The following LRBA variants were observed in gnomAD, a reference collection of about 807,000 sequenced individuals.
LRBA encodes LPS responsive beige-like anchor protein, also known as lipopolysaccharide-responsive and beige-like anchor protein.
A neutral mutation model predicts 330.0 loss-of-function variants in LRBA; 176 were observed. The ratio of observed to expected loss-of-function variants is 0.53; its 90% confidence interval spans 0.47 to 0.60. LRBA has a LOEUF of 0.60. Among genes scored for constraint, LRBA ranks in the 20% least tolerant of loss-of-function variants. The probability of loss-of-function intolerance (pLI) is 0.00; values close to 1 mark genes in which losing one functional copy is unlikely to be tolerated. For missense variants in LRBA, 3,259 were observed against 3,444.8 expected (o/e 0.95, Z 1.35); for synonymous variants, 1,230 against 1,193.0 (o/e 1.03, Z -0.64).
chr4:150,368,399 T>C (rs1316691149), intron 47 of LRBA, among the ~76,000 whole-genome samples: 1 of 152,202 alleles, frequency 6.6e-6, no homozygotes, highest in Admixed American at 6.5e-5. Flanking sequence ...ATACCCACCA[T>C]ATGGCATCAC....
chr4:150,302,441 G>T (rs1446986227), intron 53 of LRBA, among the ~76,000 whole-genome samples, 184 bp downstream of exon 53: 3 of 152,072 alleles, frequency 2.0e-5, no homozygotes, highest in Non-Finnish European at 4.4e-5. Context: ...TTCATGCTTA[G>T]ATTTTAATTA....
intron 46 of LRBA, among the ~76,000 whole-genome samples, chr4:150,426,601 A>T (rs1245440890): frequency 6.6e-6 from 1 of 151,944 alleles, no homozygotes; most frequent in East Asian, 1.9e-4. Context: ...TATTATCATT[A>T]GTAGGATTCA....
intron 40 of LRBA, among the ~76,000 whole-genome samples, chr4:150,521,961 T>C (rs1762964037): frequency 6.6e-6 from 1 of 152,228 alleles, no homozygotes; most frequent in South Asian, 2.1e-4. Context: ...TGAATTTAAA[T>C]ATTTTCCCTT....
rs145003932 is a variant in LRBA at position 150,848,834 on chromosome 4, C to A, written c.4323G>T (p.Arg1441=). The part of the protein sequence containing the change: ...EKSMSSGGIL[R]QCLRLVCAVA... The stretch of plus-strand genomic sequence containing the variant: ...GCAGCTCACCTAGTCGGAGACACTG[C>A]CGCAAAATTCCTCCAGATGACATAC... The change falls in exon 26 of 57, where the codon CGG becomes CGT. Residue 1441 remains arginine (R), a synonymous_variant. Transcript: ENST00000651943. The A allele has an allele frequency of 8.1e-4, 1,301 of 1,604,602 alleles. 17 individuals carry two copies. The East Asian group carries it at 0.02, about 25-fold the overall frequency.
rs1469710972 is a variant in LRBA at position 150,415,602 on chromosome 4, T to G, written c.7042-12A>C. On this transcript the variant is annotated splice_polypyrimidine_tract_variant and intron_variant, in intron 46 of 56. Transcript: ENST00000651943. ...TCAGGGATCAACTCCTATATAAAAA[T>G]AAAAGACAATGTGATATTATAAACT... The G allele has an allele frequency of 6.8e-7, 1 of 1,478,306 alleles. No homozygotes were observed. Among genetic ancestry groups the G allele is most frequent in the African/African-American group, 1.4e-5 (1 of 71,992 alleles). 91.6% of individuals were successfully genotyped at this position (1,478,306 alleles called of 1,614,324 possible).
chr4:150,474,951 G>C (rs1756550759), intron 42 of LRBA, among the ~76,000 whole-genome samples: 1 of 152,110 alleles, frequency 6.6e-6, no homozygotes, highest in African/African-American at 2.4e-5. Context: ...TTGTCACTTT[G>C]TGGAAATTTC....
intron 2 of LRBA, among the ~76,000 whole-genome samples, chr4:150,978,956 T>C (rs1740527212): frequency 6.6e-6 from 1 of 151,932 alleles, no homozygotes; most frequent in Non-Finnish European, 1.5e-5. Flanking sequence ...GAGAAAGAAA[T>C]AGGGGTAGAA....
At chr4:150,405,130 A>G (rs1746009875) in intron 47 of LRBA, among the ~76,000 whole-genome samples, 1 of 152,208 alleles carries the variant, frequency 6.6e-6, no homozygotes, top group South Asian at 2.1e-4. Flanking sequence ...CTAACAGAGA[A>G]GTGACATCTG....
intron 40 of LRBA, among the ~76,000 whole-genome samples, chr4:150,504,802 C>T (rs888523158): frequency 5.9e-5 from 9 of 152,114 alleles, no homozygotes; most frequent in Non-Finnish European, 8.8e-5. Flanking sequence ...AGAGTCAAGA[C>T]CCATCAGTGT....
intron 37 of LRBA, among the ~76,000 whole-genome samples, chr4:150,624,492 C>T (rs1028559993): frequency 2.6e-5 from 4 of 152,128 alleles, no homozygotes; most frequent in African/African-American, 7.2e-5. Flanking sequence ...ATTCTATTCT[C>T]TCCCTTGTCA....
At position 150,436,876 on chromosome 4, in the gene LRBA, G is replaced by C. The variant is rs755168377; in HGVS notation, c.6781-12C>G. ...AGAGCTCCTATTGGCTGCCAATAGG[G>C]AGGGAAAAAACAAAGAATACATCAA... On this transcript the variant is annotated splice_polypyrimidine_tract_variant and intron_variant, in intron 44 of 56. Coordinates refer to ENST00000651943, the MANE Select transcript of LRBA (RefSeq NM_001364905.1). 6.2e-7 allele frequency: 1 copy of C among 1,610,400 alleles called. No homozygotes were observed. The highest frequency in any genetic ancestry group is 8.5e-7 in the Non-Finnish European group (1 of 1,177,740).
At position 150,828,282 on chromosome 4, in the gene LRBA, G is replaced by A. The variant is rs1226778834; in HGVS notation, c.5069C>T (p.Ala1690Val). 1 of 1,614,146 alleles carries A rather than the reference G, an allele frequency of 6.2e-7. No individual in the cohort carries two copies. Among genetic ancestry groups the A allele is most frequent in the South Asian group, 1.1e-5 (1 of 91,084 alleles). ...DILRSLVNIPADGVTVDPALL... is the reference protein window; with the variant it reads ...DILRSLVNIPVDGVTVDPALL... Reference sequence around the variant, plus strand: ...GGCAGGATCCACTGTGACTCCATCTGCTGGTATGTTAACCAAGCTTCGGAG... The same window carrying A: ...GGCAGGATCCACTGTGACTCCATCTACTGGTATGTTAACCAAGCTTCGGAG... Residue 1690 changes from alanine (A) to valine (V), a missense_variant, in exon 30 of 57, where the codon GCA becomes GTA. Ala to Val is a moderately conservative substitution (Grantham distance 64, BLOSUM62 0). Coordinates refer to ENST00000651943, the MANE Select transcript of LRBA (RefSeq NM_001364905.1).
At chr4:150,402,811 T>C (rs1437482979) in intron 47 of LRBA, among the ~76,000 whole-genome samples, 1 of 151,940 alleles carries the variant, frequency 6.6e-6, no homozygotes, top group Non-Finnish European at 1.5e-5. Flanking sequence ...ATATAAATTC[T>C]AAAATATAGC....
intron 36 of LRBA, among the ~76,000 whole-genome samples, chr4:150,700,419 C>CA (rs1459844480): frequency 1.3e-5 from 2 of 151,436 alleles, no homozygotes; most frequent in African/African-American, 2.4e-5. Context: ...ATAAAACAAA[C>CA]AAAAAAAATG....
At chr4:150,810,815 G>A (rs750483170) in intron 31 of LRBA, among the ~76,000 whole-genome samples, 4 of 152,066 alleles carry the variant, frequency 2.6e-5, no homozygotes, top group Admixed American at 6.6e-5. Context: ...TTGCCCAGGC[G>A]GGTCTCGAAC....
intron 2 of LRBA, among the ~76,000 whole-genome samples, chr4:150,929,891 G>A (rs1461794495): frequency 6.6e-6 from 1 of 151,892 alleles, no homozygotes; most frequent in Non-Finnish European, 1.5e-5. Context: ...ATTTTTTAAA[G>A]ATCTCTGTCA....
chr4:150,691,745 T>C (rs939328118), intron 36 of LRBA, among the ~76,000 whole-genome samples: 2 of 152,192 alleles, frequency 1.3e-5, no homozygotes, highest in Non-Finnish European at 2.9e-5. Flanking sequence ...AAATAACTTG[T>C]ATGAAAATGC....
intron 26 of LRBA, among the ~76,000 whole-genome samples, chr4:150,845,728 A>C (rs1467744760): frequency 6.6e-6 from 1 of 152,222 alleles, no homozygotes; most frequent in Non-Finnish European, 1.5e-5. Context: ...AGTTGAAAGA[A>C]AGGAAGGAGG....
intron 16 of LRBA, among the ~76,000 whole-genome samples, chr4:150,893,680 G>C (rs1729742944): frequency 6.6e-6 from 1 of 151,572 alleles, no homozygotes; most frequent in Non-Finnish European, 1.5e-5. Context: ...TTTGTTTTTT[G>C]TTTTTTGTTT....
Sources: allele counts gnomAD v4.1 joint callset (sites outside exome capture counted in the v4.1 genomes callset), GRCh38; gene constraint gnomAD v4.1.1; transcripts MANE v1.5; gene names NCBI Gene and HGNC (gene_info 2026-07-23, HGNC 2026-07-21).